The following ST6GALNAC3 variants were observed in gnomAD, a reference collection of about 807,000 sequenced individuals.
ST6GALNAC3 encodes ST6 N-acetylgalactosaminide alpha-2,6-sialyltransferase 3.
A neutral mutation model predicts 32.7 loss-of-function variants in ST6GALNAC3; 25 were observed. The observed-to-expected ratio is 0.76, with a 90% CI of 0.56 to 1.07. The LOEUF (loss-of-function observed/expected upper bound fraction) is 1.07, where lower values mean the gene tolerates loss of function less well. Among genes scored for constraint, ST6GALNAC3 ranks in the 50% least tolerant of loss-of-function variants. The pLI, the probability that ST6GALNAC3 is intolerant of heterozygous loss-of-function variation, is 0.00. For synonymous variants in ST6GALNAC3, 129 were observed against 133.1 expected, an observed-to-expected ratio of 0.97 and a Z score of 0.21; for missense variants, 355 against 382.4, an observed-to-expected ratio of 0.93 and a Z score of 0.60.
At chr1:76,077,696 A>G (rs573409891) in intron 1 of ST6GALNAC3, among the ~76,000 whole-genome samples, 1 of 152,280 alleles carries the variant, frequency 6.6e-6, no homozygotes, top group South Asian at 2.1e-4. Context: ...GATCATAAGA[A>G]TGTTCTCCTC....
At chr1:76,589,710 A>G (rs953801859) in intron 3 of ST6GALNAC3, among the ~76,000 whole-genome samples, 1 of 151,772 alleles carries the variant, frequency 6.6e-6, no homozygotes, top group African/African-American at 2.4e-5. Flanking sequence ...GAAAGGGAAT[A>G]GAAATACTGA....
chr1:76,606,729 G>A (rs341029), intron 3 of ST6GALNAC3, among the ~76,000 whole-genome samples: 123,072 of 151,070 alleles, frequency 0.81, 50,269 homozygotes, highest in East Asian at 0.99. Flanking sequence ...AAAATAAAAT[G>A]AAAAGAGTGA....
chr1:76,088,853 A>G (rs1450272700), intron 1 of ST6GALNAC3, among the ~76,000 whole-genome samples: 1 of 152,242 alleles, frequency 6.6e-6, no homozygotes, highest in Non-Finnish European at 1.5e-5. Context: ...GCATGTGCAA[A>G]GATCCGGTGG....
At chr1:76,332,708 C>T (rs555636053) in intron 2 of ST6GALNAC3, among the ~76,000 whole-genome samples, 4 of 152,262 alleles carry the variant, frequency 2.6e-5, no homozygotes, top group Non-Finnish European at 5.9e-5. Context: ...GGTATCTGCC[C>T]ACCTCTCAGG....
intron 2 of ST6GALNAC3, among the ~76,000 whole-genome samples, chr1:76,315,812 G>A (rs548558018): frequency 1.2e-4 from 19 of 152,210 alleles, no homozygotes; most frequent in Non-Finnish European, 2.1e-4. Flanking sequence ...AAAATAAGTC[G>A]AAGTATATGA....
At chr1:76,600,060 G>A (rs1647198678) in intron 3 of ST6GALNAC3, among the ~76,000 whole-genome samples, 1 of 152,074 alleles carries the variant, frequency 6.6e-6, no homozygotes, top group African/African-American at 2.4e-5. Flanking sequence ...TACTGTGGTA[G>A]TATCAGGAAG....
chr1:76,547,765 A>C (rs2100338343), intron 3 of ST6GALNAC3, among the ~76,000 whole-genome samples: 1 of 151,868 alleles, frequency 6.6e-6, no homozygotes, highest in Middle Eastern at 3.4e-3. Context: ...GAGGCAGGAG[A>C]ATCACTTGAA....
At chr1:76,451,725 T>G (rs1657418662) in intron 3 of ST6GALNAC3, among the ~76,000 whole-genome samples, 1 of 152,246 alleles carries the variant, frequency 6.6e-6, no homozygotes, top group South Asian at 2.1e-4. Context: ...GCTTAGTCAC[T>G]GTTTGTGTAT....
chr1:76,529,229 T>G (rs984706755), intron 3 of ST6GALNAC3, among the ~76,000 whole-genome samples: 2 of 152,180 alleles, frequency 1.3e-5, no homozygotes, highest in East Asian at 3.9e-4. Context: ...CACAAGTCTC[T>G]GTCATTCTTG....
intron 1 of ST6GALNAC3, among the ~76,000 whole-genome samples, chr1:76,279,116 A>G (rs1659350514): frequency 6.6e-6 from 1 of 152,186 alleles, no homozygotes; most frequent in Non-Finnish European, 1.5e-5. Flanking sequence ...TGCACACCTG[A>G]GGAAACAGAC....
At chr1:76,283,905 T>A (rs1032064251) in intron 1 of ST6GALNAC3, among the ~76,000 whole-genome samples, 1 of 152,226 alleles carries the variant, frequency 6.6e-6, no homozygotes. Flanking sequence ...AAATTTCACA[T>A]GTTGTAAACC....
chr1:76,211,048 C>T (rs1655126334), intron 1 of ST6GALNAC3, among the ~76,000 whole-genome samples: 1 of 152,200 alleles, frequency 6.6e-6, no homozygotes, highest in Admixed American at 6.5e-5. Flanking sequence ...TATGGGGACA[C>T]TGGTCCATTG....
chr1:76,453,935 A>T (rs1481368370), intron 3 of ST6GALNAC3, among the ~76,000 whole-genome samples: 4 of 152,106 alleles, frequency 2.6e-5, no homozygotes, highest in Non-Finnish European at 5.9e-5. Flanking sequence ...GTCTAGAAGT[A>T]ACTGTTTTAT....
chr1:76,123,772 T>TTC (rs1249166576), intron 1 of ST6GALNAC3, among the ~76,000 whole-genome samples: 2 of 148,042 alleles, frequency 1.4e-5, no homozygotes, highest in Non-Finnish European at 3.0e-5. Flanking sequence ...TTTTTTTTTT[T>TTC]TGAGACAGGG....
chr1:76,624,613 C>T (rs180671361), intron 3 of ST6GALNAC3, among the ~76,000 whole-genome samples: 5 of 151,966 alleles, frequency 3.3e-5, no homozygotes, highest in Admixed American at 3.3e-4. Context: ...GGGACCACAT[C>T]AAAGGGAGGA....
chr1:76,351,348 T>C (rs1263350862), intron 2 of ST6GALNAC3, among the ~76,000 whole-genome samples: 1 of 152,158 alleles, frequency 6.6e-6, no homozygotes, highest in Non-Finnish European at 1.5e-5. Flanking sequence ...TTTTCAAACA[T>C]TTTCATAATT....
chr1:76,582,190 G>C (rs1029880117), intron 3 of ST6GALNAC3, among the ~76,000 whole-genome samples: 2 of 152,108 alleles, frequency 1.3e-5, no homozygotes, highest in African/African-American at 4.8e-5. Context: ...TGGTGCCGTA[G>C]ACAATTAGGA....
At chr1:76,331,684 A>G (rs1270018808) in intron 2 of ST6GALNAC3, among the ~76,000 whole-genome samples, 2 of 152,162 alleles carry the variant, frequency 1.3e-5, no homozygotes, top group Non-Finnish European at 2.9e-5. Flanking sequence ...CACCACCTCC[A>G]GCTAATCAGG....
chr1:76,589,632 C>T (rs973746492), intron 3 of ST6GALNAC3, among the ~76,000 whole-genome samples: 1 of 151,866 alleles, frequency 6.6e-6, no homozygotes, highest in African/African-American at 2.4e-5. Context: ...GGTGGGGGAA[C>T]TGACTCCTCA....
Sources: gnomAD v4.1 joint callset for allele counts (sites outside exome capture counted in the v4.1 genomes callset) on GRCh38, gnomAD v4.1.1 for gene constraint, MANE v1.5 for transcripts, NCBI Gene and HGNC (gene_info 2026-07-23, HGNC 2026-07-21) for gene names.